The following WDR64 variants were observed in gnomAD, a reference collection of about 807,000 sequenced individuals.
WDR64 encodes WD repeat-containing protein 64.
In WDR64, 112 loss-of-function variants were observed where a neutral mutation model predicts 139.3. The ratio of observed to expected loss-of-function variants is 0.80; its 90% CI spans 0.69 to 0.94. The LOEUF (loss-of-function observed/expected upper bound fraction) is 0.94. WDR64 is among the 40% of genes least tolerant of loss of function. WDR64 has a pLI of 0.00. For synonymous variants in WDR64, 444 were observed against 437.7 expected (o/e 1.01, Z -0.18); for missense variants, 1,206 against 1,293.1 (o/e 0.93, Z 1.03).
chr1:241,751,289 G>T (rs1244238288), intron 14 of WDR64, among the ~76,000 whole-genome samples: 1 of 152,104 alleles, frequency 6.6e-6, no homozygotes, highest in Admixed American at 6.6e-5. Context: ...CAACTAAAAA[G>T]GGAACAAGCT....
intron 13 of WDR64, among the ~76,000 whole-genome samples, chr1:241,747,727 C>T (rs924415333): frequency 3.3e-5 from 5 of 151,950 alleles, no homozygotes; most frequent in Non-Finnish European, 5.9e-5. Context: ...TGAACCTATG[C>T]GAGAATCGAT....
At chr1:241,653,203 G>A (rs1044395137) in intron 1 of WDR64, among the ~76,000 whole-genome samples, 2 of 152,236 alleles carry the variant, frequency 1.3e-5, no homozygotes, top group Non-Finnish European at 2.9e-5. Flanking sequence ...GTGGTGTAGT[G>A]TACAGCTTTG....
chr1:241,775,850 T>C (rs1416906955), intron 21 of WDR64, among the ~76,000 whole-genome samples: 3 of 152,176 alleles, frequency 2.0e-5, no homozygotes, highest in African/African-American at 7.2e-5. Context: ...AGAATTAGAA[T>C]AAAACAGCAT....
At chr1:241,755,874 A>T (rs1670169991) in intron 14 of WDR64, among the ~76,000 whole-genome samples, 1 of 152,070 alleles carries the variant, frequency 6.6e-6, no homozygotes, top group South Asian at 2.1e-4. Flanking sequence ...ATGGTTGTAG[A>T]TGTGTGGCAT....
At chr1:241,695,171 G>T (rs1276802926) in intron 8 of WDR64, among the ~76,000 whole-genome samples, 1 of 152,076 alleles carries the variant, frequency 6.6e-6, no homozygotes, top group East Asian at 1.9e-4. Context: ...TAAGCTAGTA[G>T]TTCAATTATA....
intron 7 of WDR64, among the ~76,000 whole-genome samples, chr1:241,685,800 C>G (rs1478460452): frequency 6.6e-6 from 1 of 152,158 alleles, no homozygotes; most frequent in Non-Finnish European, 1.5e-5. Flanking sequence ...AGAATTAGAC[C>G]TGATGGAGGA....
rs1431942418 is a variant in WDR64, at chr1:241,703,557, C to A, written c.975-8245C>A. 6.6e-6 allele frequency among the ~76,000 whole-genome samples: 1 copy of A among 151,438 alleles called. No homozygotes were observed. Among genetic ancestry groups the A allele is most frequent in the East Asian group, 1.9e-4 (1 of 5,130 alleles). On this transcript the variant is annotated intron_variant, in intron 8 of 27. Transcript: ENST00000437684. The surrounding 1 kb of genome is among the most constrained non-coding windows in gnomAD (Gnocchi z 5.9). ...GGATCAGGGAAAAAGTCAGAATGAA[C>A]TTCCCAGAATCAATACATTTCTATT...
chr1:241,782,388 G>A (rs969730359), intron 22 of WDR64, among the ~76,000 whole-genome samples: 1 of 152,186 alleles, frequency 6.6e-6, no homozygotes, highest in Non-Finnish European at 1.5e-5. Flanking sequence ...GCGGAATTGC[G>A]CCTACCCTTT....
chr1:241,678,317 T>C, intron 5 of WDR64, 101 bp downstream of exon 5: 1 of 397,150 alleles, frequency 2.5e-6, no homozygotes, highest in Non-Finnish European at 4.4e-6. Context: ...GAATAGGCTC[T>C]GGGTATATGT....
rs989808637 is a variant in WDR64 at position 241,656,908 on chromosome 1, G to C, written c.146-3622G>C. Reference sequence around the variant, plus strand: ...TGTGTGTGTGTGTGTGTGTGTGTGTGTGTCTGTCTGGGGATGGAGGTGAGG... The same window carrying C: ...TGTGTGTGTGTGTGTGTGTGTGTGTCTGTCTGTCTGGGGATGGAGGTGAGG... On this transcript the variant is annotated intron_variant, in intron 1 of 27. Transcript: ENST00000437684. The surrounding 1 kb of genome is among the most constrained non-coding windows in gnomAD (Gnocchi z 4.3). Among the ~76,000 whole-genome samples, 10 of 147,986 alleles carry C rather than the reference G, an allele frequency of 6.8e-5. No homozygotes were observed. The highest frequency in any genetic ancestry group is 2.1e-4 in the South Asian group (1 of 4,752).
chr1:241,685,434 G>A (rs1480611743), intron 7 of WDR64, among the ~76,000 whole-genome samples: 1 of 151,852 alleles, frequency 6.6e-6, no homozygotes, highest in Non-Finnish European at 1.5e-5. Flanking sequence ...TCTTATAAAT[G>A]TGTATATGTG....
intron 13 of WDR64, among the ~76,000 whole-genome samples, chr1:241,747,860 G>A (rs1357666426): frequency 6.6e-6 from 1 of 152,184 alleles, no homozygotes; most frequent in African/African-American, 2.4e-5. Context: ...GTGATGAGAA[G>A]GAAATTGGGC....
At chr1:241,772,347 A>G (rs1307056375) in intron 19 of WDR64, among the ~76,000 whole-genome samples, 28 of 149,268 alleles carry the variant, frequency 1.9e-4, no homozygotes, top group African/African-American at 6.8e-4. Context: ...AAAAAAAAGA[A>G]AAGGAAAAAA....
At chr1:241,713,385 GGAA>G (rs1337426266) in intron 9 of WDR64, among the ~76,000 whole-genome samples, 2 of 132,932 alleles carry the variant, frequency 1.5e-5, no homozygotes, top group South Asian at 2.6e-4. Flanking sequence ...GGGAAGGAAA[GGAA>G]GGAAGGAAGG....
At chr1:241,686,377 A>G (rs1361841781) in intron 7 of WDR64, among the ~76,000 whole-genome samples, 3 of 152,202 alleles carry the variant, frequency 2.0e-5, no homozygotes, top group Non-Finnish European at 4.4e-5. Flanking sequence ...GTTCAAACAT[A>G]TCTGGCATGA....
intron 1 of WDR64, among the ~76,000 whole-genome samples, chr1:241,654,683 T>C (rs1236619931): frequency 1.3e-5 from 2 of 152,238 alleles, no homozygotes; most frequent in Non-Finnish European, 2.9e-5. Context: ...CTGTATAGGC[T>C]GAGCATCCCT....
intron 25 of WDR64, 113 bp downstream of exon 25, chr1:241,790,809 G>A: frequency 3.7e-6 from 3 of 803,294 alleles, no homozygotes; most frequent in South Asian, 3.7e-5. Flanking sequence ...TTTATTGATG[G>A]TATTACAAAT....
chr1:241,753,826 A>C (rs1190195493), intron 14 of WDR64, among the ~76,000 whole-genome samples: 2 of 152,218 alleles, frequency 1.3e-5, no homozygotes, highest in African/African-American at 4.8e-5. Context: ...AGTTTTGTGG[A>C]AATAAATCTT....
At chr1:241,790,293 G>A (rs1659173931) in intron 24 of WDR64, among the ~76,000 whole-genome samples, 1 of 152,230 alleles carries the variant, frequency 6.6e-6, no homozygotes, top group African/African-American at 2.4e-5. Context: ...AGAGGTTGCA[G>A]TGAGCCGAGA....
Sources: gnomAD v4.1 joint callset for allele counts (sites outside exome capture counted in the v4.1 genomes callset) on GRCh38, gnomAD v4.1.1 for gene constraint, Gnocchi (gnomAD v3.1) non-coding constraint, MANE v1.5 for transcripts, NCBI Gene and HGNC (gene_info 2026-07-23, HGNC 2026-07-21) for gene names.